Variants in IL1RAPL1 observed in about 807,000 individuals in gnomAD.
IL1RAPL1 encodes interleukin-1 receptor accessory protein-like 1.
A neutral mutation model predicts 48.4 loss-of-function variants in IL1RAPL1; 3 were observed. The observed-to-expected ratio is 0.06, with a 90% CI of 0.03 to 0.16. IL1RAPL1 has a LOEUF of 0.16. Ranked by LOEUF, IL1RAPL1 falls within the 10% of genes least tolerant of loss-of-function variation. The pLI is 1.00. For synonymous variants in IL1RAPL1, 185 were observed against 187.7 expected (o/e 0.99, Z 0.12); for missense variants, 349 against 530.6 (o/e 0.66, Z 3.36).
chrX:29,140,837 C>T (rs73210086), intron 2 of IL1RAPL1, among the ~76,000 whole-genome samples: 7,514 of 110,701 alleles, frequency 0.068, 271 homozygotes, highest in Non-Finnish European at 0.1. Context: ...CTAATTCCAT[C>T]GATGAAGGTG....
chrX:29,795,665 C>A (rs1295198975), intron 6 of IL1RAPL1, among the ~76,000 whole-genome samples: 2 of 113,222 alleles, frequency 1.8e-5, no homozygotes, highest in African/African-American at 6.4e-5. Flanking sequence ...CCTGCCTCAG[C>A]CTCCCAGAGT....
chrX:28,930,586 G>A (rs1377104310), intron 2 of IL1RAPL1, among the ~76,000 whole-genome samples: 1 of 111,684 alleles, frequency 9.0e-6, no homozygotes. Flanking sequence ...GAAAAATATT[G>A]AAAACTCTTG....
chrX:28,667,518 A>AT (rs1934895061), intron 1 of IL1RAPL1, among the ~76,000 whole-genome samples: 1 of 111,668 alleles, frequency 9.0e-6, no homozygotes, highest in South Asian at 3.7e-4. Flanking sequence ...CTGTGAACAC[A>AT]TTTTTGTCTG....
intron 1 of IL1RAPL1, among the ~76,000 whole-genome samples, chrX:28,660,685 A>G (rs1934811662): frequency 9.0e-6 from 1 of 111,718 alleles, no homozygotes; most frequent in Non-Finnish European, 1.9e-5. Context: ...CACAGTTCTC[A>G]GGGAATAGAT....
intron 1 of IL1RAPL1, among the ~76,000 whole-genome samples, chrX:28,645,032 T>C (rs752739658): frequency 9.1e-6 from 1 of 110,133 alleles, no homozygotes; most frequent in East Asian, 2.9e-4. Context: ...GCATAATCTC[T>C]TTGGGGAAAA....
chrX:28,616,491 T>C (rs1036504044), intron 1 of IL1RAPL1, among the ~76,000 whole-genome samples: 1 of 110,022 alleles, frequency 9.1e-6, no homozygotes, highest in Non-Finnish European at 1.9e-5. Context: ...TGGAGTGCAA[T>C]GGCACGATCT....
chrX:29,605,744 A>G (rs1923871436), intron 5 of IL1RAPL1, among the ~76,000 whole-genome samples: 1 of 112,406 alleles, frequency 8.9e-6, no homozygotes, highest in Admixed American at 9.4e-5. Flanking sequence ...AAGACTGAGA[A>G]GTGTATATTT....
chrX:29,456,239 T>G (rs1934737200), intron 5 of IL1RAPL1, among the ~76,000 whole-genome samples: 1 of 112,228 alleles, frequency 8.9e-6, no homozygotes, highest in South Asian at 3.7e-4. Context: ...ATCTTGCTTT[T>G]TGGAAATCTC....
At chrX:29,421,595 AAG>A (rs957844909) in intron 5 of IL1RAPL1, among the ~76,000 whole-genome samples, 3 of 110,732 alleles carry the variant, frequency 2.7e-5, no homozygotes, top group African/African-American at 9.9e-5. Flanking sequence ...ACTAAGCCAT[AAG>A]AGAGAGAGAG....
intron 2 of IL1RAPL1, among the ~76,000 whole-genome samples, chrX:28,871,098 G>T (rs1016137095): frequency 1.8e-5 from 2 of 112,008 alleles, no homozygotes; most frequent in Non-Finnish European, 3.8e-5. Context: ...TTTAGTCGGA[G>T]TTTATCCTTC....
At chrX:29,021,934 C>T (rs1240616595) in intron 2 of IL1RAPL1, among the ~76,000 whole-genome samples, 5 of 111,827 alleles carry the variant, frequency 4.5e-5, no homozygotes, top group African/African-American at 1.6e-4. Context: ...TTTTGAAATG[C>T]AGTCATCTCC....
At chrX:28,762,547 C>A (rs9633160) in intron 1 of IL1RAPL1, among the ~76,000 whole-genome samples, 1,967 of 110,788 alleles carry the variant, frequency 0.018, 38 homozygotes, top group African/African-American at 0.061. Context: ...TCAGACATAT[C>A]CACATGCATG....
chrX:28,726,105 A>C (rs1297163050), intron 1 of IL1RAPL1, among the ~76,000 whole-genome samples: 1 of 112,127 alleles, frequency 8.9e-6, no homozygotes, highest in East Asian at 2.8e-4. Context: ...AATAGGTTTC[A>C]GATAGGTATC....
At chrX:29,281,275 G>C (rs1451848784) in intron 2 of IL1RAPL1, among the ~76,000 whole-genome samples, 1 of 111,477 alleles carries the variant, frequency 9.0e-6, no homozygotes, top group Non-Finnish European at 1.9e-5. Flanking sequence ...TGTATACTCT[G>C]AGTAATGCCA....
At chrX:28,988,042 T>G (rs1925517747) in intron 2 of IL1RAPL1, among the ~76,000 whole-genome samples, 2 of 111,984 alleles carry the variant, frequency 1.8e-5, no homozygotes, top group African/African-American at 6.5e-5. Context: ...GGAAAGTGAT[T>G]GCTTGAAACA....
intron 7 of IL1RAPL1, among the ~76,000 whole-genome samples, chrX:29,919,588 G>A (rs747773703): frequency 1.8e-5 from 2 of 112,175 alleles, no homozygotes; most frequent in South Asian, 7.3e-4. Flanking sequence ...ATGTAATTAG[G>A]CCTTCAGCCT....
intron 5 of IL1RAPL1, among the ~76,000 whole-genome samples, chrX:29,425,326 TGGCGATAACAGGAAAGGTTCTGAG>T (rs887084114): frequency 9.0e-6 from 1 of 111,006 alleles, no homozygotes; most frequent in African/African-American, 3.3e-5. Flanking sequence ...CAAAGCAGAG[TGGCGATAACAGGAAAGGTTCTGAG>T]GGCAGGGAAC....
intron 9 of IL1RAPL1, among the ~76,000 whole-genome samples, chrX:29,942,876 C>T (rs748755753): frequency 2.7e-5 from 3 of 111,061 alleles, no homozygotes; most frequent in South Asian, 7.7e-4. Context: ...CCATCTCGGC[C>T]TCCCAAAGTG....
intron 1 of IL1RAPL1, among the ~76,000 whole-genome samples, chrX:28,762,786 G>GCGCACACACA (rs1366464632): frequency 2.5e-4 from 16 of 62,967 alleles, no homozygotes; most frequent in South Asian, 2.0e-3. Context: ...GCACGCGCGC[G>GCGCACACACA]CACACACACA....
Sources: gnomAD v4.1 joint callset for allele counts (sites outside exome capture counted in the v4.1 genomes callset) on GRCh38, gnomAD v4.1.1 for gene constraint, MANE v1.5 for transcripts, NCBI Gene and HGNC (gene_info 2026-07-23, HGNC 2026-07-21) for gene names.